The following DROSHA variants were observed in gnomAD, a reference collection of about 807,000 sequenced individuals.
DROSHA encodes drosha ribonuclease III, also known as ribonuclease 3.
In DROSHA, 56 loss-of-function variants were observed where a neutral mutation model predicts 181.9. The ratio of observed to expected loss-of-function variants is 0.31; its 90% CI spans 0.25 to 0.38. The LOEUF is 0.38. Among genes scored for constraint, DROSHA ranks in the 10% least tolerant of loss-of-function variants. The pLI, the probability that DROSHA is intolerant of heterozygous loss-of-function variation, is 1.00. For synonymous variants in DROSHA, 524 were observed against 591.2 expected (o/e 0.89, Z 1.65); for missense variants, 1,218 against 1,743.5 (o/e 0.70, Z 5.37).
At chr5:31,462,896 G>A (rs1400115025) in intron 20 of DROSHA, among the ~76,000 whole-genome samples, 1 of 152,068 alleles carries the variant, frequency 6.6e-6, no homozygotes, top group Admixed American at 6.6e-5. Flanking sequence ...TAGAAGGTCT[G>A]GAAGGCGCCT....
intron 19 of DROSHA, among the ~76,000 whole-genome samples, chr5:31,465,377 C>T (rs1434966129): frequency 6.6e-6 from 1 of 152,156 alleles, no homozygotes; most frequent in East Asian, 1.9e-4. Context: ...AATAAGTTTA[C>T]CATACTAAAC....
At chr5:31,507,373 T>A (rs1349699963) in intron 10 of DROSHA, among the ~76,000 whole-genome samples, 1 of 148,994 alleles carries the variant, frequency 6.7e-6, no homozygotes, top group East Asian at 2.0e-4. Context: ...GGCAGGAGAA[T>A]CACTTGAACC....
Position 31,409,524 on chromosome 5 carries a change from A to G in DROSHA, c.3668-192T>C, listed in dbSNP as rs898433207. 1.7e-5 allele frequency: 10 copies of G among 579,152 alleles called. No homozygotes were observed. The highest frequency in any genetic ancestry group is 3.1e-5 in the Non-Finnish European group (10 of 323,040). The allele number at this position is 579,152 out of a possible 1,614,324, so 35.9% of individuals were successfully genotyped here. On this transcript the variant is annotated intron_variant, in intron 31 of 35. Transcript: ENST00000344624. This position sits in a 1 kb window ranked among gnomAD's most constrained non-coding sequence, Gnocchi z 4.0. ...TCAGAAGCAGCAAGAGATGTGTAAG[A>G]TGCAAATCATAGAGTACAAACACCA...
chr5:31,497,218 A>G (rs1753093155), intron 11 of DROSHA, among the ~76,000 whole-genome samples: 1 of 27,592 alleles, frequency 3.6e-5, no homozygotes, highest in Admixed American at 4.4e-4. Flanking sequence ...CAGAGAGGAT[A>G]ATGTGCCCTT....
intron 23 of DROSHA, 93 bp downstream of exon 23, chr5:31,448,454 C>T (rs1326650876): frequency 3.3e-6 from 4 of 1,197,218 alleles, no homozygotes; most frequent in Non-Finnish European, 4.8e-6. Context: ...TGTGAACATA[C>T]TAAAAACCAC....
At chr5:31,461,818 T>C (rs1305647440) in intron 20 of DROSHA, among the ~76,000 whole-genome samples, 3 of 151,862 alleles carry the variant, frequency 2.0e-5, no homozygotes, top group Non-Finnish European at 4.4e-5. Flanking sequence ...AATGAGTTGA[T>C]GAACACCTCC....
At chr5:31,521,068 T>C (rs1178240084) in intron 6 of DROSHA, 55 bp downstream of exon 6, 2 of 1,584,444 alleles carry the variant, frequency 1.3e-6, no homozygotes, top group Non-Finnish European at 1.7e-6. Context: ...AAGCACAAAA[T>C]CTGAATTCAA....
At chr5:31,505,457 T>C (rs1278660378) in intron 10 of DROSHA, among the ~76,000 whole-genome samples, 1 of 152,056 alleles carries the variant, frequency 6.6e-6, no homozygotes, top group Non-Finnish European at 1.5e-5. Context: ...AGGCAGAAGG[T>C]CCACATCATG....
At chr5:31,459,926 G>A (rs371871082) in intron 20 of DROSHA, among the ~76,000 whole-genome samples, 5 of 151,944 alleles carry the variant, frequency 3.3e-5, no homozygotes, top group East Asian at 1.9e-4. Flanking sequence ...CAATGTCTCC[G>A]CATTTGGCAT....
intron 30 of DROSHA, among the ~76,000 whole-genome samples, chr5:31,412,204 G>T (rs1741391427): frequency 6.6e-6 from 1 of 152,214 alleles, no homozygotes; most frequent in African/African-American, 2.4e-5. Context: ...TACATACAAA[G>T]ATGGGAACTC....
intron 27 of DROSHA, among the ~76,000 whole-genome samples, chr5:31,426,737 T>C (rs1339316257): frequency 6.6e-6 from 1 of 152,212 alleles, no homozygotes; most frequent in East Asian, 1.9e-4. Context: ...AATGCTACGT[T>C]ATGTAGTATA....
At chr5:31,478,709 G>A (rs1305713390) in intron 16 of DROSHA, among the ~76,000 whole-genome samples, 1 of 152,172 alleles carries the variant, frequency 6.6e-6, no homozygotes, top group African/African-American at 2.4e-5. Flanking sequence ...ACTCCACCCT[G>A]GGTGAGAAGA....
In DROSHA at chr5:31,409,838, TA is replaced by T. The variant is rs1741089318; in HGVS notation, c.3668-507del. ...AAAGAGAAAAACTTAATACTGATCT[TA>T]ATGACAACAATATGTCAAATTTTGC... On this transcript the variant is annotated intron_variant, in intron 31 of 35. Transcript: ENST00000344624. This position sits in a 1 kb window ranked among gnomAD's most constrained non-coding sequence, Gnocchi z 4.0. Among the ~76,000 whole-genome samples, 1 of 152,164 alleles carries T rather than the reference TA, an allele frequency of 6.6e-6. No homozygotes were observed. The highest frequency in any genetic ancestry group is 2.1e-4 in the South Asian group (1 of 4,832).
At chr5:31,436,254 T>C (rs924639861) in intron 24 of DROSHA, among the ~76,000 whole-genome samples, 1 of 152,164 alleles carries the variant, frequency 6.6e-6, no homozygotes, top group Non-Finnish European at 1.5e-5. Flanking sequence ...TTCTCCTGAT[T>C]ATGTCCATCT....
chr5:31,498,471 T>C (rs542130285), intron 11 of DROSHA, among the ~76,000 whole-genome samples: 2 of 152,168 alleles, frequency 1.3e-5, no homozygotes, highest in South Asian at 4.2e-4. Flanking sequence ...TTTAAAAAGC[T>C]AGAAGGAATA....
intron 25 of DROSHA, 58 bp from the exon 26 acceptor site, chr5:31,431,736 T>C: frequency 6.6e-7 from 1 of 1,526,184 alleles, no homozygotes. Flanking sequence ...TTAACTATAG[T>C]AACTCAGCAT....
chr5:31,401,461 GC>G lies in DROSHA; in HGVS notation c.4095del (p.Glu1365AspfsTer24). 1 of 1,612,618 alleles carries G rather than the reference GC, an allele frequency of 6.2e-7. No individual in the cohort carries two copies. The highest frequency in any genetic ancestry group is 8.5e-7 in the Non-Finnish European group (1 of 1,179,168). On this transcript the variant is annotated frameshift_variant, in exon 36 of 36. Transcript: ENST00000344624. LOFTEE classifies it high-confidence loss of function. ...MRWEREHQER[E>X]PDETEDIKK Reference sequence around the variant, plus strand: ...TTCTTGATGTCTTCAGTCTCATCTGGCTCTCTCTCTTGATGCTCTCTTTCCC... The same window carrying G: ...TTCTTGATGTCTTCAGTCTCATCTGGTCTCTCTCTTGATGCTCTCTTTCCC...
chr5:31,516,101 C>T (rs1056692111), intron 6 of DROSHA, among the ~76,000 whole-genome samples: 4 of 152,194 alleles, frequency 2.6e-5, no homozygotes, highest in Non-Finnish European at 5.9e-5. Context: ...ACAAGAAATA[C>T]AAAAATTAGC....
intron 24 of DROSHA, 112 bp downstream of exon 24, chr5:31,437,127 C>A (rs1003175588): frequency 1.8e-6 from 2 of 1,137,052 alleles, no homozygotes; most frequent in African/African-American, 3.1e-5. Context: ...AGATAAAATA[C>A]ACGGTGTATC....
Sources: allele counts gnomAD v4.1 joint callset (sites outside exome capture counted in the v4.1 genomes callset), GRCh38; gene constraint gnomAD v4.1.1; non-coding constraint Gnocchi (gnomAD v3.1); transcripts MANE v1.5; gene names NCBI Gene and HGNC (gene_info 2026-07-23, HGNC 2026-07-21).